The following ZHX3 variants were observed in gnomAD, a reference collection of about 807,000 sequenced individuals.
ZHX3 encodes the protein zinc fingers and homeoboxes 3.
A neutral mutation model predicts 64.5 loss-of-function variants in ZHX3; 20 were observed. The ratio of observed to expected loss-of-function variants is 0.31; its 90% CI spans 0.22 to 0.45. ZHX3 has a LOEUF of 0.45. Among genes scored for constraint, ZHX3 ranks in the 20% least tolerant of loss-of-function variants. ZHX3 has a pLI of 1.00. For missense variants in ZHX3, 1,041 were observed against 1,195.8 expected, an observed-to-expected ratio of 0.87 and a Z score of 1.91; for synonymous variants, 423 against 461.6, an observed-to-expected ratio of 0.92 and a Z score of 1.07.
chr20:41,184,654 G>C lies in ZHX3; in HGVS notation c.*537C>G. On this transcript the variant is annotated 3_prime_UTR_variant, in exon 4 of 4. Transcript: ENST00000683867. ...CTGCTTCCTTGAGGAACACAAAGGGGGCACAAAGGGGTTCCAGACGTAGCT... is the reference window on the plus strand; with the variant it reads ...CTGCTTCCTTGAGGAACACAAAGGGCGCACAAAGGGGTTCCAGACGTAGCT... 1.0e-5 allele frequency: 5 copies of C among 485,908 alleles called. No homozygotes were observed. The South Asian group carries it at 1.2e-4, about 11-fold the overall frequency. 30.1% of individuals were successfully genotyped at this position (485,908 alleles called of 1,614,324 possible).
At chr20:41,186,712 T>C (rs540835335) in intron 3 of ZHX3, among the ~76,000 whole-genome samples, 11 of 152,374 alleles carry the variant, frequency 7.2e-5, no homozygotes, top group African/African-American at 2.6e-4. Context: ...TATCACGCTG[T>C]GGTTTTGATT....
chr20:41,283,442 G>A (rs898897856), intron 1 of ZHX3, among the ~76,000 whole-genome samples: 2 of 152,100 alleles, frequency 1.3e-5, no homozygotes, highest in African/African-American at 4.8e-5. Flanking sequence ...ATCTCCTGGG[G>A]AGACAGTCAC....
chr20:41,190,072 C>T (rs6065321), intron 3 of ZHX3, among the ~76,000 whole-genome samples: 88,272 of 151,990 alleles, frequency 0.58, 26,946 homozygotes, highest in East Asian at 0.82. Flanking sequence ...GAGATGACCA[C>T]ACGATTTTTG....
intron 2 of ZHX3, among the ~76,000 whole-genome samples, chr20:41,205,568 G>A (rs548632336): frequency 1.3e-5 from 2 of 151,952 alleles, no homozygotes; most frequent in Admixed American, 6.6e-5. Context: ...CGGAAGGGGT[G>A]GGGTGGGCGG....
Position 41,205,022 on chromosome 20 carries a change from C to T in ZHX3, c.-106G>A. On this transcript the variant is annotated 5_prime_UTR_variant, in exon 3 of 4. Transcript: ENST00000683867. ...GGGCCAAAGAAACAGTTTCTAAATG[C>T]AGCTTTTTCAGTTGTTTGCAGAAAG... The T allele has an allele frequency of 7.2e-7, 1 of 1,381,226 alleles. No individual in the cohort carries two copies. Among genetic ancestry groups the T allele is most frequent in the Non-Finnish European group, 9.4e-7 (1 of 1,066,792 alleles). 85.6% of individuals were successfully genotyped at this position (1,381,226 alleles called of 1,614,324 possible).
Position 41,185,501 on chromosome 20 carries a change from G to C in ZHX3, c.2861-300C>G. 1 of 520,210 alleles carries C rather than the reference G, an allele frequency of 1.9e-6. No homozygotes were observed. Among genetic ancestry groups the C allele is most frequent in the South Asian group, 3.3e-5 (1 of 30,666 alleles). 32.2% of individuals were successfully genotyped at this position (520,210 alleles called of 1,614,324 possible). On this transcript the variant is annotated intron_variant, in intron 3 of 3. Coordinates refer to ENST00000683867, the MANE Select transcript of ZHX3 (RefSeq NM_001384317.1). The surrounding 1 kb of genome is among the most constrained non-coding windows in gnomAD (Gnocchi z 5.0). ...TCTCCAGGCCCACTAAATCCCCCTA[G>C]CTCCCCAGGCTTCCGCCACCACCGT...
At chr20:41,280,297 G>A (rs577709447) in intron 1 of ZHX3, among the ~76,000 whole-genome samples, 2 of 152,274 alleles carry the variant, frequency 1.3e-5, no homozygotes, top group South Asian at 2.1e-4. Flanking sequence ...GAGCTTTTTA[G>A]AAATACCAAT....
chr20:41,232,345 T>A lies in ZHX3; in HGVS notation c.-150-27279A>T, dbSNP rs1255517180. On this transcript the variant is annotated intron_variant, in intron 2 of 3. Coordinates refer to ENST00000683867, the MANE Select transcript of ZHX3 (RefSeq NM_001384317.1). The surrounding 1 kb of genome is among the most constrained non-coding windows in gnomAD (Gnocchi z 5.0). ...AAAGAACTCAATGGTTAAGAACTAG[T>A]ATACAGCAAAGCAGACCTGGGGAGT... 6.6e-6 allele frequency among the ~76,000 whole-genome samples: 1 copy of A among 151,686 alleles called. No individual in the cohort carries two copies. The highest frequency in any genetic ancestry group is 2.4e-5 in the African/African-American group (1 of 41,296).
At chr20:41,211,440 C>T (rs954765753) in intron 2 of ZHX3, among the ~76,000 whole-genome samples, 1 of 152,118 alleles carries the variant, frequency 6.6e-6, no homozygotes, top group Non-Finnish European at 1.5e-5. Flanking sequence ...AACAACTTCT[C>T]ACCCCTTCCC....
At position 41,203,548 on chromosome 20, in the gene ZHX3, C is replaced by T; in HGVS notation, c.1369G>A (p.Ala457Thr). Residue 457 changes from alanine to threonine, a missense_variant, in exon 3 of 4, where the codon GCA (alanine) becomes ACA (threonine). Ala to Thr is a moderately conservative substitution (Grantham distance 58). Coordinates refer to ENST00000683867, the MANE Select transcript of ZHX3 (RefSeq NM_001384317.1). This position sits in a 1 kb window ranked among gnomAD's most constrained non-coding sequence, Gnocchi z 7.1. ...TTTGAACACACAGTGTTAATGGGTG[C>T]CACACCTGGCTGCTTGGGGACGGAT... is the stretch of plus-strand genomic sequence containing the variant. The part of the protein sequence containing the change: ...VTSVPKQPGV[A>T]PINTVCSNTT... 1 of 1,614,150 alleles carries T rather than the reference C, an allele frequency of 6.2e-7. No homozygotes were observed. The highest frequency in any genetic ancestry group is 8.5e-7 in the Non-Finnish European group (1 of 1,180,004).
At chr20:41,271,183 G>A (rs758998169) in intron 1 of ZHX3, among the ~76,000 whole-genome samples, 1 of 152,090 alleles carries the variant, frequency 6.6e-6, no homozygotes, top group Non-Finnish European at 1.5e-5. Context: ...ACCACACCCA[G>A]CTAATTTTTG....
At chr20:41,205,692 T>C (rs2038649626) in intron 2 of ZHX3, among the ~76,000 whole-genome samples, 2 of 152,204 alleles carry the variant, frequency 1.3e-5, no homozygotes, top group Admixed American at 1.3e-4. Context: ...CTGGCTGTTA[T>C]GTATCCCGGA....
intron 3 of ZHX3, chr20:41,188,317 T>C (rs1005570174): frequency 4.6e-5 from 7 of 152,162 alleles, no homozygotes; most frequent in African/African-American, 7.2e-5. Flanking sequence ...ATTTGTGATG[T>C]TGAGTGTTCT....
intron 2 of ZHX3, among the ~76,000 whole-genome samples, chr20:41,266,553 T>C (rs1356621556): frequency 2.0e-5 from 3 of 151,788 alleles, no homozygotes; most frequent in Non-Finnish European, 4.4e-5. Context: ...CTTTCTTTTT[T>C]TTTTTTTTTT....
At chr20:41,199,256 A>AT (rs1335157787) in intron 3 of ZHX3, among the ~76,000 whole-genome samples, 2 of 151,754 alleles carry the variant, frequency 1.3e-5, no homozygotes, top group African/African-American at 2.4e-5. Context: ...GTGCCTGTCA[A>AT]TTTTTTTTCC....
At chr20:41,194,874 A>G (rs2037354891) in intron 3 of ZHX3, among the ~76,000 whole-genome samples, 1 of 152,222 alleles carries the variant, frequency 6.6e-6, no homozygotes, top group Non-Finnish European at 1.5e-5. Flanking sequence ...ATTCATGTGA[A>G]AATATCTTAT....
In ZHX3 at chr20:41,212,729, G is replaced by A. The variant is rs1344874024; in HGVS notation, c.-150-7663C>T. Among the ~76,000 whole-genome samples the A allele has an allele frequency of 4.6e-5, 7 of 151,714 alleles. No homozygotes were observed. The highest frequency in any genetic ancestry group is 1.5e-4 in the African/African-American group (6 of 41,286). ...GGAGAATTGCTTGAACCTGGGAGGC[G>A]GAGGTTGCAGTGAGCCAAGATCATG... is the stretch of plus-strand genomic sequence containing the variant. On this transcript the variant is annotated intron_variant, in intron 2 of 3. Coordinates refer to ENST00000683867, the MANE Select transcript of ZHX3 (RefSeq NM_001384317.1). The surrounding 1 kb of genome is among the most constrained non-coding windows in gnomAD (Gnocchi z 4.3).
At chr20:41,244,447 G>A (rs1234213409) in intron 2 of ZHX3, among the ~76,000 whole-genome samples, 2 of 152,104 alleles carry the variant, frequency 1.3e-5, no homozygotes, top group Admixed American at 6.5e-5. Flanking sequence ...GAGCCAGCAG[G>A]ATCACTTGAG....
Position 41,202,646 on chromosome 20 carries a change from G to A in ZHX3, c.2271C>T (p.Asn757=), listed in dbSNP as rs773275913. 6.2e-7 allele frequency: 1 copy of A among 1,613,810 alleles called. No individual in the cohort carries two copies. Among genetic ancestry groups the A allele is most frequent in the East Asian group, 2.2e-5 (1 of 44,872 alleles). The change falls in exon 3 of 4, where the codon AAC becomes AAT. Residue 757 remains asparagine (N), a synonymous_variant. Coordinates refer to ENST00000683867, the MANE Select transcript of ZHX3 (RefSeq NM_001384317.1). This position sits in a 1 kb window ranked among gnomAD's most constrained non-coding sequence, Gnocchi z 7.0. ...TGCCTGGGAGCTGCTCTGCCAGTTT[G>A]TTTGACTCATCATCCTCAGGGTCAC... ...GACDPEDDES[N]KLAEQLPGKV... is the part of the protein sequence containing the mutation.
Sources: gnomAD v4.1 joint callset for allele counts (sites outside exome capture counted in the v4.1 genomes callset) on GRCh38, gnomAD v4.1.1 for gene constraint, Gnocchi (gnomAD v3.1) non-coding constraint, MANE v1.5 for transcripts, NCBI Gene and HGNC (gene_info 2026-07-23, HGNC 2026-07-21) for gene names.